The following EIF2AK1 variants were observed in gnomAD, a reference collection of about 807,000 sequenced individuals.
The protein encoded by EIF2AK1 is eukaryotic translation initiation factor 2 alpha kinase 1, also known as eukaryotic translation initiation factor 2-alpha kinase 1.
In EIF2AK1, 54 loss-of-function variants were observed where a neutral mutation model predicts 77.9. The ratio of observed to expected loss-of-function variants is 0.69; its 90% CI spans 0.56 to 0.87. EIF2AK1 has a LOEUF of 0.87. Among genes scored for constraint, EIF2AK1 ranks in the 40% least tolerant of loss-of-function variants. EIF2AK1 has a pLI of 0.00. For synonymous variants in EIF2AK1, 314 were observed against 290.5 expected (o/e 1.08, Z -0.82); for missense variants, 810 against 768.6 (o/e 1.05, Z -0.64).
rs572476256 is a variant in EIF2AK1, at chr7:6,037,196, G to A, written c.1332+228C>T. Among the ~76,000 whole-genome samples the A allele has an allele frequency of 4.0e-5, 6 of 151,434 alleles. No individual in the cohort carries two copies. In the East Asian group the frequency reaches 5.8e-4, roughly 15 times the overall value. ...CAGTGAGCTGTAATCGTGCCACTGC[G>A]CTCCAACGTGGGTGACAGAGCGAAA... On this transcript the variant is annotated intron_variant, in intron 11 of 14. Coordinates refer to ENST00000199389, the MANE Select transcript of EIF2AK1 (RefSeq NM_014413.4).
intron 12 of EIF2AK1, 24 bp downstream of exon 12, chr7:6,028,894 A>T: frequency 6.3e-7 from 1 of 1,578,804 alleles, no homozygotes; most frequent in Non-Finnish European, 8.6e-7. Context: ...ATGCAAAGAA[A>T]ACAAAACAAA....
chr7:6,057,238 C>G (rs1788805500), intron 1 of EIF2AK1, among the ~76,000 whole-genome samples: 1 of 147,024 alleles, frequency 6.8e-6, no homozygotes, highest in African/African-American at 2.5e-5. Context: ...ACGACCCCAT[C>G]TCTTTAAGAA....
At position 6,023,196 on chromosome 7, in the gene EIF2AK1, C is replaced by T. The variant is rs1415022273; in HGVS notation, c.*1477G>A. 7.6e-7 allele frequency: 1 copy of T among 1,308,876 alleles called. No individual in the cohort carries two copies. The highest frequency in any genetic ancestry group is 1.0e-6 in the Non-Finnish European group (1 of 966,844). 81.1% of individuals were successfully genotyped at this position (1,308,876 alleles called of 1,614,324 possible). A position where few individuals can be genotyped will look rare whatever the true frequency, so the allele number is the denominator to read the frequency against. ...ATGTTCTTCTTGAAAACACCCTTTC[C>T]CATGTCATCAGTCTGTGGTGTTTGG... On this transcript the variant is annotated 3_prime_UTR_variant, in exon 15 of 15. Transcript: ENST00000199389.
At chr7:6,037,218 G>A (rs144252450) in intron 11 of EIF2AK1, among the ~76,000 whole-genome samples, 2,023 of 150,268 alleles carry the variant, frequency 0.013, 28 homozygotes, top group Middle Eastern at 0.058. Flanking sequence ...GTGACAGAGC[G>A]AAATGCTGTC....
intron 2 of EIF2AK1, among the ~76,000 whole-genome samples, chr7:6,053,110 A>G (rs1788654195): frequency 6.6e-6 from 1 of 152,234 alleles, no homozygotes; most frequent in African/African-American, 2.4e-5. Flanking sequence ...AAGTAGGGAA[A>G]TCATTAATAT....
Position 6,031,377 on chromosome 7 carries a change from T to C in EIF2AK1, c.1333-2345A>G, listed in dbSNP as rs780430376. 8 of 1,550,398 alleles carry C rather than the reference T, an allele frequency of 5.2e-6. No individual in the cohort carries two copies. In the South Asian group the frequency reaches 5.9e-5, roughly 12 times the overall value. On this transcript the variant is annotated intron_variant, in intron 11 of 14. Transcript: ENST00000199389. ...CCCCTGAAGTCTTAAGTTTTTCTCATGGGGAATATAACCAGGAAAGGAAGC... is the reference window on the plus strand; with the variant it reads ...CCCCTGAAGTCTTAAGTTTTTCTCACGGGGAATATAACCAGGAAAGGAAGC...
At position 6,024,624 on chromosome 7, in the gene EIF2AK1, G is replaced by A; in HGVS notation, c.*49C>T. The A allele has an allele frequency of 6.2e-7, 1 of 1,611,846 alleles. No individual in the cohort carries two copies. The highest frequency in any genetic ancestry group is 8.5e-7 in the Non-Finnish European group (1 of 1,179,212). On this transcript the variant is annotated 3_prime_UTR_variant, in exon 15 of 15. Coordinates refer to ENST00000199389, the MANE Select transcript of EIF2AK1 (RefSeq NM_014413.4). ...ATTGTACCAACTATACCCTAATAAA[G>A]ATTAAAAATTTACATTCCAGTTAAC...
chr7:6,035,353 A>T lies in EIF2AK1; in HGVS notation c.1332+2071T>A. The T allele has an allele frequency of 1.6e-6, 2 of 1,231,694 alleles. No individual in the cohort carries two copies. The highest frequency in any genetic ancestry group is 2.2e-6 in the Non-Finnish European group (2 of 889,848). 76.3% of individuals were successfully genotyped at this position (1,231,694 alleles called of 1,614,324 possible). On this transcript the variant is annotated intron_variant, in intron 11 of 14. Coordinates refer to ENST00000199389, the MANE Select transcript of EIF2AK1 (RefSeq NM_014413.4). The surrounding 1 kb of genome is among the most constrained non-coding windows in gnomAD (Gnocchi z 5.5). ...TAAGGTAATTGAAGGGTCTTACTTT[A>T]AATAAATACTGGCTTCTTAAGCATT...
Position 6,027,970 on chromosome 7 carries a change from G to A in EIF2AK1, c.1530+645C>T. On this transcript the variant is annotated intron_variant, in intron 13 of 14. Transcript: ENST00000199389. This position sits in a 1 kb window ranked among gnomAD's most constrained non-coding sequence, Gnocchi z 4.5. ...CACAGTTACATGGGAGGCTGAGGTGGGAGGATCACTTGAGCCCAGGAGTTG... is the reference window on the plus strand; with the variant it reads ...CACAGTTACATGGGAGGCTGAGGTGAGAGGATCACTTGAGCCCAGGAGTTG... 3 of 453,776 alleles carry A rather than the reference G, an allele frequency of 6.6e-6. No individual in the cohort carries two copies. The highest frequency in any genetic ancestry group is 1.3e-5 in the Non-Finnish European group (3 of 225,914). The allele number at this position is 453,776 out of a possible 1,614,324, so 28.1% of individuals were successfully genotyped here.
chr7:6,024,351 A>G lies in EIF2AK1; in HGVS notation c.*322T>C. The G allele has an allele frequency of 8.2e-7, 1 of 1,218,822 alleles. No individual in the cohort carries two copies. Among genetic ancestry groups the G allele is most frequent in the Non-Finnish European group, 1.0e-6 (1 of 972,216 alleles). The allele number at this position is 1,218,822 out of a possible 1,614,324, so 75.5% of individuals were successfully genotyped here. ...CCCGGGCTTGGGCAGTGACGAGGGC[A>G]GGGAGCACACATCAATTTCTGCGGT... On this transcript the variant is annotated 3_prime_UTR_variant, in exon 15 of 15. Coordinates refer to ENST00000199389, the MANE Select transcript of EIF2AK1 (RefSeq NM_014413.4).
chr7:6,036,003 G>A lies in EIF2AK1; in HGVS notation c.1332+1421C>T. On this transcript the variant is annotated intron_variant, in intron 11 of 14. Transcript: ENST00000199389. The surrounding 1 kb of genome is among the most constrained non-coding windows in gnomAD (Gnocchi z 4.6). ...TGAGGCATGCTTTGGAGGCAGAGAGGCAATCATCAATCTCCTGCTTGAATT... is the reference window on the plus strand; with the variant it reads ...TGAGGCATGCTTTGGAGGCAGAGAGACAATCATCAATCTCCTGCTTGAATT... 3 of 1,550,988 alleles carry A rather than the reference G, an allele frequency of 1.9e-6. No individual in the cohort carries two copies. The highest frequency in any genetic ancestry group is 1.7e-6 in the Non-Finnish European group (2 of 1,147,098).
chr7:6,026,243 G>A (rs533009943), intron 14 of EIF2AK1, among the ~76,000 whole-genome samples: 22 of 152,156 alleles, frequency 1.4e-4, no homozygotes, highest in Non-Finnish European at 2.5e-4. Flanking sequence ...CACCACTTCC[G>A]GGGTCACCAG....
In EIF2AK1 at chr7:6,059,009, C is replaced by G; in HGVS notation, c.75G>C (p.Pro25=). The change falls in exon 1 of 15, where the codon CCG becomes CCC. Residue 25 remains proline (P), a synonymous_variant. Coordinates refer to ENST00000199389, the MANE Select transcript of EIF2AK1 (RefSeq NM_014413.4). ...GGCCCTCGGCGGGAAAGTCGATGGC[C>G]GGCGGCGCAGCCACAGCCCCAGCCC... ...GDGAGAVAAP[P]AIDFPAEGPD... 3 of 1,540,108 alleles carry G rather than the reference C, an allele frequency of 1.9e-6. No homozygotes were observed. Among genetic ancestry groups the G allele is most frequent in the Non-Finnish European group, 2.6e-6 (3 of 1,147,534 alleles).
intron 8 of EIF2AK1, among the ~76,000 whole-genome samples, chr7:6,041,697 C>A (rs978445069): frequency 2.6e-5 from 4 of 151,818 alleles, no homozygotes; most frequent in Non-Finnish European, 5.9e-5. Flanking sequence ...AAAAATTGGC[C>A]GGGTGTGGTG....
chr7:6,030,562 C>T (rs1311005941), intron 11 of EIF2AK1, among the ~76,000 whole-genome samples: 2 of 152,102 alleles, frequency 1.3e-5, no homozygotes, highest in Non-Finnish European at 2.9e-5. Context: ...GCAGTGGTGC[C>T]ATCTCGGCTC....
intron 14 of EIF2AK1, among the ~76,000 whole-genome samples, chr7:6,025,799 T>C (rs1387757630): frequency 9.2e-5 from 14 of 151,890 alleles, no homozygotes; most frequent in Non-Finnish European, 1.9e-4. Context: ...CACGCCCGGC[T>C]AATTTTTGTA....
At chr7:6,056,613 A>AAATATATATAT in intron 1 of EIF2AK1, among the ~76,000 whole-genome samples, 5 of 43,730 alleles carry the variant, frequency 1.1e-4, no homozygotes, top group African/African-American at 1.6e-4. Context: ...AAAAAAAAAA[A>AAATATATATAT]ATATATATAT....
In EIF2AK1 at chr7:6,047,394, G is replaced by A. The variant is rs1788476860; in HGVS notation, c.450-303C>T. The A allele has an allele frequency of 7.1e-6, 3 of 422,816 alleles. No homozygotes were observed. The Admixed American group carries it at 9.5e-5, about 13-fold the overall frequency. The allele number at this position is 422,816 out of a possible 1,614,324, so 26.2% of individuals were successfully genotyped here. A position where few individuals can be genotyped will look rare whatever the true frequency, so the allele number is the denominator to read the frequency against. On this transcript the variant is annotated intron_variant, in intron 4 of 14. Transcript: ENST00000199389. ...CAGAAATAAATTTACTGAAATTTCA[G>A]CTGGGCATGGTGGCTCACGCCTGTA...
chr7:6,053,794 A>G (rs775075035), intron 2 of EIF2AK1, among the ~76,000 whole-genome samples: 1 of 150,684 alleles, frequency 6.6e-6, no homozygotes, highest in Non-Finnish European at 1.5e-5. Context: ...CAGCCTCCCA[A>G]GTAGCTGAGA....
Sources: gnomAD v4.1 joint callset for allele counts (sites outside exome capture counted in the v4.1 genomes callset) on GRCh38, gnomAD v4.1.1 for gene constraint, Gnocchi (gnomAD v3.1) non-coding constraint, MANE v1.5 for transcripts, NCBI Gene and HGNC (gene_info 2026-07-23, HGNC 2026-07-21) for gene names.